The following HDLBP variants were observed in gnomAD, a reference collection of about 807,000 sequenced individuals.
HDLBP encodes high density lipoprotein binding protein, also known as vigilin.
HDLBP carries 30 observed loss-of-function variants against 137.3 expected under a neutral mutation model. That is an observed-to-expected ratio of 0.22 (90% CI 0.16 to 0.30). HDLBP has a LOEUF of 0.30. HDLBP is among the 10% of genes least tolerant of loss of function. The pLI, the probability that HDLBP is intolerant of heterozygous loss-of-function variation, is 1.00. For synonymous variants in HDLBP, 606 were observed against 596.0 expected, an observed-to-expected ratio of 1.02 and a Z score of -0.24; for missense variants, 1,119 against 1,667.3, an observed-to-expected ratio of 0.67 and a Z score of 5.73.
rs2069513038 is a variant in HDLBP at position 241,229,835 on chromosome 2, T to C, written c.3718A>G (p.Lys1240Glu). Reference protein sequence around the residue: ...DAPWTASSSEKAPDMSSSEEF... With the variant: ...DAPWTASSSEEAPDMSSSEEF... ...GAGGGCAGAAGCCCGCATCTGACCT[T>C]CTCACTGCTGCTGGCGGTCCAGGGT... Residue 1240 changes from lysine (K) to glutamate (E), a missense_variant and splice_region_variant, in exon 27 of 28, where the codon AAG becomes GAG. Lys to Glu is a moderately conservative substitution (Grantham distance 56, BLOSUM62 1). Around this residue, in one of 4 missense-constraint regions of HDLBP, gnomAD observed 618 missense variants for 816.7 expected, o/e 0.76. Coordinates refer to ENST00000310931, the MANE Select transcript of HDLBP (RefSeq NM_005336.6). The C allele has an allele frequency of 1.4e-6, 2 of 1,395,590 alleles. No homozygotes were observed. The highest frequency in any genetic ancestry group is 1.9e-6 in the Non-Finnish European group (2 of 1,046,912). 86.5% of individuals were successfully genotyped at this position (1,395,590 alleles called of 1,614,324 possible). A position where few individuals can be genotyped will look rare whatever the true frequency, so the allele number is the denominator to read the frequency against.
chr2:241,310,672 G>A (rs1328915854), intron 1 of HDLBP, among the ~76,000 whole-genome samples: 1 of 151,652 alleles, frequency 6.6e-6, no homozygotes, highest in Non-Finnish European at 1.5e-5. Flanking sequence ...GAGAGAGAAA[G>A]CAAATAGGAA....
intron 1 of HDLBP, among the ~76,000 whole-genome samples, chr2:241,288,422 C>T (rs2074905763): frequency 7.4e-6 from 1 of 135,596 alleles, no homozygotes; most frequent in Non-Finnish European, 1.6e-5. Context: ...TCTGAAGACA[C>T]ATTTCATCTC....
rs537394783 is a variant in HDLBP at position 241,227,860 on chromosome 2, T to G, written c.*1741A>C. The G allele has an allele frequency of 6.6e-6, 1 of 152,298 alleles. No homozygotes were observed. The highest frequency in any genetic ancestry group is 6.5e-5 in the Admixed American group (1 of 15,302). The allele number at this position is 152,298 out of a possible 1,614,324, so 9.4% of individuals were successfully genotyped here. A position where few individuals can be genotyped will look rare whatever the true frequency, so the allele number is the denominator to read the frequency against. ...CCCCCGTGGAGGTGGAGTAGACAGA[T>G]CCCGGGAAAGGCAGGAAAAGGGCCT... On this transcript the variant is annotated 3_prime_UTR_variant, in exon 28 of 28. Transcript: ENST00000310931.
intron 5 of HDLBP, among the ~76,000 whole-genome samples, chr2:241,257,389 T>A (rs1275203193): frequency 6.6e-6 from 1 of 152,138 alleles, no homozygotes; most frequent in Non-Finnish European, 1.5e-5. Flanking sequence ...TGCGCCACCA[T>A]GCCCAGCTAA....
intron 3 of HDLBP, among the ~76,000 whole-genome samples, chr2:241,265,091 C>T (rs2073548384): frequency 6.6e-6 from 1 of 152,262 alleles, no homozygotes; most frequent in Non-Finnish European, 1.5e-5. Flanking sequence ...GAAGCAAACT[C>T]TGATTTTCCA....
At chr2:241,308,423 A>G (rs1354668024) in intron 1 of HDLBP, among the ~76,000 whole-genome samples, 3 of 152,228 alleles carry the variant, frequency 2.0e-5, no homozygotes, top group Non-Finnish European at 4.4e-5. Flanking sequence ...AAAAGTGATG[A>G]GAAAATACTA....
At chr2:241,251,995 C>G (rs11687941) in intron 11 of HDLBP, among the ~76,000 whole-genome samples, 31,395 of 151,936 alleles carry the variant, frequency 0.21, 3,559 homozygotes, top group Middle Eastern at 0.33. Flanking sequence ...ACAAACAACA[C>G]AAAACATCCT....
At position 241,240,557 on chromosome 2, in the gene HDLBP, C is replaced by T. The variant is rs994654037; in HGVS notation, c.2170-435G>A. On this transcript the variant is annotated intron_variant, in intron 17 of 27. Coordinates refer to ENST00000310931, the MANE Select transcript of HDLBP (RefSeq NM_005336.6). This position sits in a 1 kb window ranked among gnomAD's most constrained non-coding sequence, Gnocchi z 5.5. The stretch of plus-strand genomic sequence containing the variant: ...AGGTGTGCACCATGCTCCCACTCTT[C>T]TACCTGCTTCCAGACCAAGCACACA... Among the ~76,000 whole-genome samples, 7 of 152,170 alleles carry T rather than the reference C, an allele frequency of 4.6e-5. No homozygotes were observed. The highest frequency in any genetic ancestry group is 4.4e-5 in the Non-Finnish European group (3 of 68,014).
intron 1 of HDLBP, among the ~76,000 whole-genome samples, chr2:241,281,285 C>A (rs1467935469): frequency 6.6e-6 from 1 of 151,296 alleles, no homozygotes; most frequent in African/African-American, 2.4e-5. Context: ...ACCCGGGAGG[C>A]AGAGGTTGCA....
chr2:241,288,394 T>G (rs990262320), intron 1 of HDLBP, among the ~76,000 whole-genome samples: 1 of 43,464 alleles, frequency 2.3e-5, no homozygotes, highest in Non-Finnish European at 4.6e-5. Context: ...TCCAGTTGCC[T>G]GCACAACTAA....
chr2:241,310,085 T>C (rs2075716140), intron 1 of HDLBP, among the ~76,000 whole-genome samples: 1 of 152,052 alleles, frequency 6.6e-6, no homozygotes, highest in South Asian at 2.1e-4. Context: ...GCAGCCTCAA[T>C]AGTGACTTAA....
intron 2 of HDLBP, chr2:241,267,645 G>A: frequency 6.5e-7 from 1 of 1,535,714 alleles, no homozygotes; most frequent in South Asian, 1.2e-5. Context: ...TCTGCAAGGT[G>A]CATCCAGGCC....
Position 241,239,914 on chromosome 2 carries a change from A to G in HDLBP, c.2378T>C (p.Leu793Ser), listed in dbSNP as rs149815299. The change falls in exon 18 of 28, where the codon TTG becomes TCG. Residue 793 changes from leucine (L) to serine (S), a missense_variant. Leu to Ser is a moderately radical substitution (Grantham distance 145). Around this residue, in one of 4 missense-constraint regions of HDLBP, gnomAD observed 618 missense variants for 816.7 expected, o/e 0.76. Transcript: ENST00000310931. This position sits in a 1 kb window ranked among gnomAD's most constrained non-coding sequence, Gnocchi z 4.6. ...VREAQKELEALIQNLDNVVED... is the reference protein window; with the variant it reads ...VREAQKELEASIQNLDNVVED... The stretch of plus-strand genomic sequence containing the variant: ...CCCGCTCCCTACCAGGTTTTGGATC[A>G]AGGCCTCCAGCTCCTTCTGTGCCTC... 12 of 1,613,948 alleles carry G rather than the reference A, an allele frequency of 7.4e-6. No homozygotes were observed. Among genetic ancestry groups the G allele is most frequent in the Non-Finnish European group, 9.3e-6 (11 of 1,179,986 alleles).
In HDLBP at chr2:241,262,848, G is replaced by T. The variant is rs140608605; in HGVS notation, c.313C>A (p.Leu105Ile). The change falls in exon 5 of 28, where the codon CTT (leucine) becomes ATT (isoleucine). Residue 105 changes from leucine (L) to isoleucine (I), a missense_variant. By Grantham distance (5) the Leu-to-Ile change is conservative. Around this residue, in one of 4 missense-constraint regions of HDLBP, gnomAD observed 17 missense variants for 64.3 expected, o/e 0.26. Transcript: ENST00000310931. ...GCACCAGTTCTCTGCATGATCTCAA[G>T]GCAGATTTTTGCTTGTTCACCTTCT... ...FGEGEQAKICLEIMQRTGAHL... is the reference protein window; with the variant it reads ...FGEGEQAKICIEIMQRTGAHL... 13 of 1,614,126 alleles carry T rather than the reference G, an allele frequency of 8.1e-6. No homozygotes were observed. The highest frequency in any genetic ancestry group is 1.1e-5 in the Non-Finnish European group (13 of 1,179,964).
intron 5 of HDLBP, among the ~76,000 whole-genome samples, chr2:241,258,657 C>T (rs2072915403): frequency 6.6e-6 from 1 of 152,128 alleles, no homozygotes; most frequent in Non-Finnish European, 1.5e-5. Context: ...CATTTACAAG[C>T]AGCAGAAGAA....
chr2:241,258,032 T>C lies in HDLBP; in HGVS notation c.451-1226A>G, dbSNP rs554957374. Among the ~76,000 whole-genome samples the C allele has an allele frequency of 1.1e-4, 17 of 152,228 alleles. No homozygotes were observed. In the South Asian group the frequency reaches 2.1e-3, roughly 19 times the overall value. ...ACTCCGGGAAGCCGAGATGAGAGGA[T>C]TGTTTGAGCCCAGGAGTCCAAGATC... On this transcript the variant is annotated intron_variant, in intron 5 of 27. Transcript: ENST00000310931.
At chr2:241,302,976 C>T (rs1198733005) in intron 1 of HDLBP, among the ~76,000 whole-genome samples, 7 of 152,208 alleles carry the variant, frequency 4.6e-5, no homozygotes, top group African/African-American at 1.7e-4. Flanking sequence ...CAATGCCCAA[C>T]GACTTAACTC....
At chr2:241,278,982 G>A (rs905902969) in intron 1 of HDLBP, among the ~76,000 whole-genome samples, 2 of 152,084 alleles carry the variant, frequency 1.3e-5, no homozygotes, top group Non-Finnish European at 2.9e-5. Flanking sequence ...CCAAGATCAC[G>A]CCACTGCACT....
intron 23 of HDLBP, among the ~76,000 whole-genome samples, chr2:241,234,501 G>A (rs3755325): frequency 0.42 from 64,029 of 152,000 alleles, 14,606 homozygotes; most frequent in Middle Eastern, 0.62. Flanking sequence ...CACCAGACTC[G>A]ACGTGCTCAC....
Sources: gnomAD v4.1 joint callset for allele counts (sites outside exome capture counted in the v4.1 genomes callset) on GRCh38, gnomAD v4.1.1 for gene constraint, gnomAD v4.1.1 regional missense constraint, Gnocchi (gnomAD v3.1) non-coding constraint, MANE v1.5 for transcripts, NCBI Gene and HGNC (gene_info 2026-07-23, HGNC 2026-07-21) for gene names.